The following UBE2K variants were observed in gnomAD, a reference collection of about 807,000 sequenced individuals.
The protein encoded by UBE2K is ubiquitin conjugating enzyme E2 K, also known as ubiquitin-conjugating enzyme E2 K.
Under a neutral mutation model 30.0 loss-of-function variants are expected in UBE2K, and 6 were observed. That is an observed-to-expected ratio of 0.20 (90% CI 0.11 to 0.39). UBE2K has a LOEUF of 0.39. Among genes scored for constraint, UBE2K ranks in the 10% least tolerant of loss-of-function variants. The probability of loss-of-function intolerance (pLI) is 1.00; values close to 1 mark genes in which losing one functional copy is unlikely to be tolerated. For missense variants in UBE2K, 61 were observed against 241.6 expected (o/e 0.25, Z 4.96); for synonymous variants, 86 against 83.7 (o/e 1.03, Z -0.15).
Position 39,702,231 on chromosome 4 carries a change from C to CTTTTTTTT in UBE2K, c.63+3874_63+3881dup, listed in dbSNP as rs564712672. Among the ~76,000 whole-genome samples, 30 of 67,324 alleles carry CTTTTTTTT rather than the reference C, an allele frequency of 4.5e-4. 1 individual carries two copies. The highest frequency in any genetic ancestry group is 6.6e-4 in the Non-Finnish European group (24 of 36,506). 44.2% of individuals were successfully genotyped at this position (67,324 alleles called of 152,430 possible). ...ATTTTCTTTTCTTTTCTTTTCTTTT[C>CTTTTTTTT]TTTTTTTTTTTTTTTTTTTTTTTTT... On this transcript the variant is annotated intron_variant, in intron 1 of 6. Transcript: ENST00000261427.
chr4:39,708,354 A>G (rs1446510681), intron 1 of UBE2K, among the ~76,000 whole-genome samples: 1 of 152,100 alleles, frequency 6.6e-6, no homozygotes, highest in Non-Finnish European at 1.5e-5. Flanking sequence ...TTAGAGTTAG[A>G]TCATGATCTT....
At chr4:39,754,596 A>G (rs961246736) in intron 3 of UBE2K, among the ~76,000 whole-genome samples, 10 of 152,202 alleles carry the variant, frequency 6.6e-5, no homozygotes, top group South Asian at 6.2e-4. Context: ...CTGCAGCTCA[A>G]CCTTTCAGAT....
At chr4:39,722,537 T>A (rs1461477501) in intron 1 of UBE2K, among the ~76,000 whole-genome samples, 1 of 152,174 alleles carries the variant, frequency 6.6e-6, no homozygotes, top group African/African-American at 2.4e-5. Flanking sequence ...ATAATCTTAT[T>A]CCCAAAATCC....
Position 39,781,834 on chromosome 4 carries a change from A to ATTT in UBE2K, c.*3401_*3403dup. The ATTT allele has an allele frequency of 2.5e-6, 1 of 397,852 alleles. No individual in the cohort carries two copies. Among genetic ancestry groups the ATTT allele is most frequent in the East Asian group, 3.6e-5 (1 of 28,022 alleles). 24.6% of individuals were successfully genotyped at this position (397,852 alleles called of 1,614,324 possible). On this transcript the variant is annotated 3_prime_UTR_variant, in exon 7 of 7. Transcript: ENST00000261427. ...TTCAATTCCAGGGTACAAACCATTG[A>ATTT]TTTAAAAATTACGTTTCCATTCTTT... is the stretch of plus-strand genomic sequence containing the variant.
intron 1 of UBE2K, among the ~76,000 whole-genome samples, chr4:39,705,196 T>A (rs796609557): frequency 7.5e-6 from 1 of 133,754 alleles, no homozygotes; most frequent in South Asian, 2.4e-4. Context: ...GCACCTGGGT[T>A]TTTTTTTTTT....
At chr4:39,774,423 C>T (rs528555659) in intron 4 of UBE2K, among the ~76,000 whole-genome samples, 12 of 151,594 alleles carry the variant, frequency 7.9e-5, no homozygotes, top group African/African-American at 2.7e-4. Context: ...CTGGCTAACA[C>T]TGTGAAACCC....
chr4:39,756,748 G>C (rs1721534319), intron 4 of UBE2K, among the ~76,000 whole-genome samples: 1 of 152,050 alleles, frequency 6.6e-6, no homozygotes, highest in Admixed American at 6.6e-5. Context: ...TAAGACCAAA[G>C]GTATGAAAAG....
Position 39,782,053 on chromosome 4 carries a change from G to A in UBE2K, c.*3619G>A, listed in dbSNP as rs1370671467. ...AAGATCTTGTGGCATAGGGGTAGGG[G>A]AGTGTTAGTATCTCCCTTGTCCCAT... On this transcript the variant is annotated 3_prime_UTR_variant, in exon 7 of 7. Transcript: ENST00000261427. 1.0e-5 allele frequency: 4 copies of A among 397,956 alleles called. No homozygotes were observed. The highest frequency in any genetic ancestry group is 1.3e-5 in the Non-Finnish European group (3 of 225,592). 24.7% of individuals were successfully genotyped at this position (397,956 alleles called of 1,614,324 possible). A position where few individuals can be genotyped will look rare whatever the true frequency, so the allele number is the denominator to read the frequency against.
intron 1 of UBE2K, among the ~76,000 whole-genome samples, chr4:39,719,667 C>T (rs1719313057): frequency 6.6e-6 from 1 of 152,122 alleles, no homozygotes; most frequent in Admixed American, 6.6e-5. Flanking sequence ...TTTTAGGTTT[C>T]TTTGTTTCAA....
At chr4:39,770,164 G>A (rs1712685191) in intron 4 of UBE2K, 7 of 1,606,454 alleles carry the variant, frequency 4.4e-6, no homozygotes, top group Admixed American at 3.3e-5. Context: ...TCCTTGAGAT[G>A]CCGCCTAATG....
At position 39,702,892 on chromosome 4, in the gene UBE2K, C is replaced by T. The variant is rs1361174388; in HGVS notation, c.63+4502C>T. On this transcript the variant is annotated intron_variant, in intron 1 of 6. Transcript: ENST00000261427. ...CATCCCTGACCTCTACCAGTATATG[C>T]AGGTAGCACTGCAGAGCCCCAGCGC... is the stretch of plus-strand genomic sequence containing the variant. 6.6e-5 allele frequency among the ~76,000 whole-genome samples: 10 copies of T among 152,074 alleles called. 1 individual carries two copies. Among genetic ancestry groups the T allele is most frequent in the Non-Finnish European group, 2.9e-5 (2 of 67,970 alleles).
intron 2 of UBE2K, among the ~76,000 whole-genome samples, chr4:39,742,458 G>C (rs302946): frequency 0.3 from 45,137 of 151,962 alleles, 8,451 homozygotes; most frequent in African/African-American, 0.54. Flanking sequence ...AACTAGCCAC[G>C]AGGCATAACG....
At chr4:39,774,766 T>G (rs1164780771) in intron 4 of UBE2K, 68 bp from the exon 5 acceptor site, 9 of 928,572 alleles carry the variant, frequency 9.7e-6, no homozygotes, top group Non-Finnish European at 1.2e-5. Flanking sequence ...TAATTTTTAT[T>G]AAGAAAATAC....
intron 2 of UBE2K, 78 bp downstream of exon 2, chr4:39,737,591 A>G (rs1186585728): frequency 2.1e-6 from 2 of 944,602 alleles, no homozygotes; most frequent in African/African-American, 1.8e-5. Context: ...AATCTTAAAC[A>G]TCTATAAATT....
At chr4:39,718,841 C>A (rs531012505) in intron 1 of UBE2K, among the ~76,000 whole-genome samples, 1 of 152,376 alleles carries the variant, frequency 6.6e-6, no homozygotes, top group South Asian at 2.1e-4. Flanking sequence ...TCTAGCTGGC[C>A]TGCAAACGCC....
chr4:39,771,101 C>G, intron 4 of UBE2K: 11 of 1,612,656 alleles, frequency 6.8e-6, no homozygotes, highest in South Asian at 1.1e-5. Context: ...ACCACGTGCT[C>G]CATCTGCAGG....
intron 3 of UBE2K, among the ~76,000 whole-genome samples, chr4:39,752,670 T>G (rs934006975): frequency 6.6e-6 from 1 of 152,144 alleles, no homozygotes; most frequent in Admixed American, 6.5e-5. Context: ...GTGAATTCCT[T>G]GAGTTCTGAC....
intron 5 of UBE2K, among the ~76,000 whole-genome samples, chr4:39,776,551 A>C (rs562069556): frequency 6.6e-6 from 1 of 152,264 alleles, no homozygotes; most frequent in Non-Finnish European, 1.5e-5. Context: ...CTTCAAACTC[A>C]TGCTTTTTCA....
At chr4:39,710,254 T>C (rs982334406) in intron 1 of UBE2K, 1 of 71,968 alleles carries the variant, frequency 1.4e-5, no homozygotes, top group African/African-American at 7.2e-5. Flanking sequence ...GAATGCCTAC[T>C]GTCTGATTGA....
Sources: allele counts gnomAD v4.1 joint callset (sites outside exome capture counted in the v4.1 genomes callset), GRCh38; gene constraint gnomAD v4.1.1; transcripts MANE v1.5; gene names NCBI Gene and HGNC (gene_info 2026-07-23, HGNC 2026-07-21).